Variants in EVI5 observed in about 807,000 individuals in gnomAD.
EVI5 encodes the protein ecotropic viral integration site 5.
EVI5 carries 73 observed loss-of-function variants against 112.0 expected under a neutral mutation model. The observed-to-expected ratio is 0.65, with a 90% CI of 0.54 to 0.79. The LOEUF (loss-of-function observed/expected upper bound fraction) is 0.79. Among genes scored for constraint, EVI5 ranks in the 30% least tolerant of loss-of-function variants. EVI5 has a pLI of 0.00. For missense variants in EVI5, 900 were observed against 968.8 expected (o/e 0.93, Z 0.94); for synonymous variants, 305 against 319.9 (o/e 0.95, Z 0.50).
intron 19 of EVI5, among the ~76,000 whole-genome samples, chr1:92,540,222 T>A (rs991368087): frequency 2.6e-5 from 4 of 152,218 alleles, no homozygotes; most frequent in African/African-American, 9.6e-5. Context: ...AACTGCTAGG[T>A]CATATAGCAA....
intron 16 of EVI5, among the ~76,000 whole-genome samples, chr1:92,614,213 A>G (rs980044480): frequency 3.9e-5 from 6 of 152,172 alleles, no homozygotes; most frequent in Admixed American, 3.9e-4. Flanking sequence ...AGAAGGAAAA[A>G]TGTGCCCATT....
rs1291449634 is a variant in EVI5, at chr1:92,606,916, ACACACACCCC to A, written c.1974+655_1974+664del. On this transcript the variant is annotated intron_variant, in intron 17 of 19. Transcript: ENST00000684568. The stretch of plus-strand genomic sequence containing the variant: ...CACACACACACACACACACACACAC[ACACACACCCC>A]CCCAAACCCTCCCTCCTCTCCTTCC... Among the ~76,000 whole-genome samples, 19 of 101,522 alleles carry A rather than the reference ACACACACCCC, an allele frequency of 1.9e-4. 1 individual carries two copies. The highest frequency in any genetic ancestry group is 1.1e-3 in the East Asian group (2 of 1,776). The allele number at this position is 101,522 out of a possible 152,430, so 66.6% of individuals were successfully genotyped here.
chr1:92,713,526 A>T (rs1211589688), intron 2 of EVI5, among the ~76,000 whole-genome samples: 3 of 152,172 alleles, frequency 2.0e-5, no homozygotes, highest in African/African-American at 7.2e-5. Context: ...CTATAATCCC[A>T]GCACTTTGGG....
chr1:92,636,141 T>G (rs1658778651), intron 14 of EVI5, 61 bp downstream of exon 14: 10 of 1,400,478 alleles, frequency 7.1e-6, no homozygotes, highest in Non-Finnish European at 9.9e-6. Context: ...CAGTAAGTAC[T>G]TAATAAATAT....
At chr1:92,746,496 T>C (rs1570734054) in intron 1 of EVI5, among the ~76,000 whole-genome samples, 1 of 152,120 alleles carries the variant, frequency 6.6e-6, no homozygotes, top group South Asian at 2.1e-4. Flanking sequence ...GAGGCCGAGG[T>C]GGGTGGATCA....
At chr1:92,703,801 T>C (rs1671557229) in intron 3 of EVI5, 182 bp from the exon 4 acceptor site, 5 of 553,578 alleles carry the variant, frequency 9.0e-6, no homozygotes, top group African/African-American at 2.0e-5. Flanking sequence ...GCCCTGGGTG[T>C]ATCCTCTTCT....
intron 2 of EVI5, among the ~76,000 whole-genome samples, chr1:92,732,786 G>T (rs1676691846): frequency 6.6e-6 from 1 of 150,416 alleles, no homozygotes. Flanking sequence ...TGTAATCCTA[G>T]CTACTTGGGA....
chr1:92,774,969 A>C (rs778189347), intron 1 of EVI5, among the ~76,000 whole-genome samples: 14 of 152,220 alleles, frequency 9.2e-5, no homozygotes, highest in Non-Finnish European at 1.6e-4. Context: ...ACAATTAATC[A>C]ATCTACATTC....
At chr1:92,711,929 A>G (rs537096132) in intron 2 of EVI5, among the ~76,000 whole-genome samples, 5 of 152,310 alleles carry the variant, frequency 3.3e-5, no homozygotes, top group African/African-American at 1.2e-4. Context: ...CAAGTTTGGC[A>G]TAAGATAAGG....
At position 92,749,081 on chromosome 1, in the gene EVI5, A is replaced by G. The variant is rs535272941; in HGVS notation, c.-81-12454T>C. On this transcript the variant is annotated intron_variant, in intron 1 of 19. Transcript: ENST00000684568. Reference sequence around the variant, plus strand: ...AACTCTGTCTCAAAAAAAAAAAAAAAAAAAGAAAAAGAAAACCTTCATAGC... The same window carrying G: ...AACTCTGTCTCAAAAAAAAAAAAAAGAAAAGAAAAAGAAAACCTTCATAGC... 1.6e-3 allele frequency: 270 copies of G among 170,708 alleles called. 1 individual carries two copies. Among genetic ancestry groups the G allele is most frequent in the African/African-American group, 4.8e-3 (199 of 41,616 alleles). The allele number at this position is 170,708 out of a possible 1,614,324, so 10.6% of individuals were successfully genotyped here.
chr1:92,570,645 G>C (rs1670198683), intron 18 of EVI5, among the ~76,000 whole-genome samples: 1 of 152,122 alleles, frequency 6.6e-6, no homozygotes, highest in Admixed American at 6.5e-5. Flanking sequence ...CTTTAGGTTT[G>C]AAAGGCTGTA....
At chr1:92,529,856 A>G (rs1348727720) in intron 19 of EVI5, among the ~76,000 whole-genome samples, 1 of 152,226 alleles carries the variant, frequency 6.6e-6, no homozygotes, top group East Asian at 1.9e-4. Context: ...AAATAAATCA[A>G]TGGGCATATT....
intron 1 of EVI5, among the ~76,000 whole-genome samples, chr1:92,749,668 G>T (rs1558198404): frequency 6.6e-6 from 1 of 151,918 alleles, no homozygotes; most frequent in African/African-American, 2.4e-5. Context: ...CTGAATATGA[G>T]TATTCACTTA....
At chr1:92,772,774 C>A (rs1269238944) in intron 1 of EVI5, among the ~76,000 whole-genome samples, 1 of 151,858 alleles carries the variant, frequency 6.6e-6, no homozygotes, top group African/African-American at 2.4e-5. Context: ...GGCATGGTGT[C>A]AGGCACCTGT....
At chr1:92,557,718 G>A (rs78532421) in intron 19 of EVI5, among the ~76,000 whole-genome samples, 4,625 of 151,166 alleles carry the variant, frequency 0.031, 210 homozygotes, top group African/African-American at 0.096. Context: ...AAAAAATTCC[G>A]AAGAAAACTT....
chr1:92,657,463 G>C (rs1169559023), intron 13 of EVI5, among the ~76,000 whole-genome samples: 1 of 152,090 alleles, frequency 6.6e-6, no homozygotes, highest in Non-Finnish European at 1.5e-5. Context: ...TGGAGTTCAA[G>C]GCCAGCCTGG....
chr1:92,763,183 T>C (rs987384317), intron 1 of EVI5, among the ~76,000 whole-genome samples: 36 of 152,032 alleles, frequency 2.4e-4, no homozygotes, highest in Non-Finnish European at 2.9e-5. Context: ...GTGGGAGGAC[T>C]GCTTAAGCCT....
At chr1:92,628,911 G>A (rs1029789213) in intron 14 of EVI5, among the ~76,000 whole-genome samples, 2 of 152,084 alleles carry the variant, frequency 1.3e-5, no homozygotes, top group Admixed American at 6.5e-5. Flanking sequence ...AAAGACTGCT[G>A]GAAGCAGAAA....
At chr1:92,656,636 T>C (rs1663040083) in intron 13 of EVI5, among the ~76,000 whole-genome samples, 1 of 151,420 alleles carries the variant, frequency 6.6e-6, no homozygotes, top group Non-Finnish European at 1.5e-5. Context: ...AAAACCAATA[T>C]ACTGCTCAAT....
Sources: allele counts gnomAD v4.1 joint callset (sites outside exome capture counted in the v4.1 genomes callset), GRCh38; gene constraint gnomAD v4.1.1; transcripts MANE v1.5; gene names NCBI Gene and HGNC (gene_info 2026-07-23, HGNC 2026-07-21).